KIDINS220: variants seen among roughly 807,000 people sequenced by gnomAD.
KIDINS220 encodes the protein kinase D interacting substrate 220.
Under a neutral mutation model 157.6 loss-of-function variants are expected in KIDINS220, and 63 were observed. The observed-to-expected ratio is 0.40, with a 90% CI of 0.33 to 0.49. The LOEUF (loss-of-function observed/expected upper bound fraction) is 0.49, where lower values mean the gene tolerates loss of function less well. Among genes scored for constraint, KIDINS220 ranks in the 20% least tolerant of loss-of-function variants. KIDINS220 has a pLI of 0.66. For missense variants in KIDINS220, 1,772 were observed against 2,171.2 expected, an observed-to-expected ratio of 0.82 and a Z score of 3.65; for synonymous variants, 732 against 783.6, an observed-to-expected ratio of 0.93 and a Z score of 1.10.
intron 4 of KIDINS220, among the ~76,000 whole-genome samples, chr2:8,815,589 A>C (rs557850209): frequency 1.3e-5 from 2 of 152,192 alleles, no homozygotes; most frequent in Non-Finnish European, 2.9e-5. Flanking sequence ...GAATTGCTTG[A>C]ACCTGGGAGG....
At chr2:8,785,680 G>T in intron 17 of KIDINS220, 61 bp downstream of exon 17, 2 of 1,407,100 alleles carry the variant, frequency 1.4e-6, no homozygotes, top group South Asian at 2.7e-5. Flanking sequence ...AAGCCCAAAT[G>T]AGCATGGCAG....
At chr2:8,822,788 A>G (rs907427428) in intron 2 of KIDINS220, among the ~76,000 whole-genome samples, 3 of 152,170 alleles carry the variant, frequency 2.0e-5, no homozygotes, top group Non-Finnish European at 2.9e-5. Context: ...TTTCAAAAAT[A>G]AAATAAAAAT....
intron 1 of KIDINS220, 101 bp from the exon 2 acceptor site, chr2:8,827,230 T>C: frequency 3.8e-6 from 2 of 519,766 alleles, no homozygotes; most frequent in Non-Finnish European, 6.8e-6. Context: ...CAAGGACACC[T>C]CCAGTGGCAG....
At chr2:8,756,083 A>G (rs1335122833) in intron 22 of KIDINS220, among the ~76,000 whole-genome samples, 1 of 152,222 alleles carries the variant, frequency 6.6e-6, no homozygotes, top group Admixed American at 6.5e-5. Context: ...TGACATCCTA[A>G]TATTTAGTCT....
chr2:8,818,318 G>C (rs576177305), intron 3 of KIDINS220, among the ~76,000 whole-genome samples: 1 of 152,196 alleles, frequency 6.6e-6, no homozygotes, highest in East Asian at 1.9e-4. Flanking sequence ...CCCCTCACAA[G>C]TGATATCAGA....
At chr2:8,734,827 G>C (rs922595537) in intron 27 of KIDINS220, 74 bp from the exon 28 acceptor site, 5 of 1,075,062 alleles carry the variant, frequency 4.7e-6, no homozygotes, top group Non-Finnish European at 6.9e-6. Context: ...TGATTGCCAA[G>C]TATGCTTATA....
chr2:8,745,966 A>C (rs1293054316), intron 26 of KIDINS220, among the ~76,000 whole-genome samples: 2 of 152,018 alleles, frequency 1.3e-5, no homozygotes, highest in South Asian at 2.1e-4. Context: ...TAAATAAAAC[A>C]ACCAAAGTTA....
Position 8,733,490 on chromosome 2 carries a change from A to C in KIDINS220, c.4007T>G (p.Leu1336Arg), listed in dbSNP as rs756258324. 1 of 1,614,154 alleles carries C rather than the reference A, an allele frequency of 6.2e-7. No homozygotes were observed. The highest frequency in any genetic ancestry group is 8.5e-7 in the Non-Finnish European group (1 of 1,180,036). Residue 1336 changes from leucine to arginine, a missense_variant, in exon 29 of 30, where the codon CTT (leucine) becomes CGT (arginine). Physicochemically the swap from Leu to Arg is moderately radical, Grantham distance 102. Transcript: ENST00000256707. The stretch of plus-strand genomic sequence containing the variant: ...ACGAGGGGCACCTTCATCCAGGCCA[A>C]GCGTGTTCAGCTCTTCGAAGCTGAA... ...LNFSFEELNTLGLDEGAPRHS... is the reference protein window; with the variant it reads ...LNFSFEELNTRGLDEGAPRHS...
intron 22 of KIDINS220, among the ~76,000 whole-genome samples, chr2:8,752,353 C>A (rs1472157082): frequency 1.3e-5 from 2 of 151,556 alleles, no homozygotes; most frequent in Admixed American, 6.6e-5. Flanking sequence ...GAAAGAAACT[C>A]AAAAAAGTAG....
chr2:8,729,946 G>C lies in KIDINS220; in HGVS notation c.*774C>G. 1 of 985,292 alleles carries C rather than the reference G, an allele frequency of 1.0e-6. No individual in the cohort carries two copies. The highest frequency in any genetic ancestry group is 1.2e-6 in the Non-Finnish European group (1 of 829,912). The allele number at this position is 985,292 out of a possible 1,614,324, so 61.0% of individuals were successfully genotyped here. A position where few individuals can be genotyped will look rare whatever the true frequency, so the allele number is the denominator to read the frequency against. On this transcript the variant is annotated 3_prime_UTR_variant, in exon 30 of 30. Transcript: ENST00000256707. ...GAAAAGTTGGGCACCATTTAAAAGAGTTGGAGAACAGACCAGGGTGGCTTC... is the reference window on the plus strand; with the variant it reads ...GAAAAGTTGGGCACCATTTAAAAGACTTGGAGAACAGACCAGGGTGGCTTC...
chr2:8,767,483 G>A (rs973434127), intron 22 of KIDINS220, among the ~76,000 whole-genome samples: 2 of 152,132 alleles, frequency 1.3e-5, no homozygotes, highest in African/African-American at 2.4e-5. Context: ...TACAAAGGAG[G>A]TGAAGCAACA....
intron 23 of KIDINS220, among the ~76,000 whole-genome samples, chr2:8,750,673 TA>T (rs1378024599): frequency 4.6e-5 from 7 of 152,244 alleles, no homozygotes; most frequent in Non-Finnish European, 8.8e-5. Flanking sequence ...TATCAAGTAT[TA>T]ATAACTCATA....
downstream of KIDINS220, chr2:8,728,852 AAAAC>A (rs1408094864): frequency 7.1e-6 from 7 of 985,158 alleles, no homozygotes; most frequent in East Asian, 6.8e-4. Context: ...GACATGTGAC[AAAAC>A]AAACACACAA....
chr2:8,732,068 C>A (rs904588122), intron 29 of KIDINS220, 86 bp from the exon 30 acceptor site: 6 of 1,164,752 alleles, frequency 5.2e-6, no homozygotes, highest in Non-Finnish European at 6.9e-6. Context: ...TATATGTACA[C>A]TAACCATTTA....
chr2:8,835,025 A>T (rs1038545225), intron 1 of KIDINS220, among the ~76,000 whole-genome samples: 4 of 151,904 alleles, frequency 2.6e-5, no homozygotes, highest in Admixed American at 2.6e-4. Flanking sequence ...TACATTTTTA[A>T]TTTTTGTAGA....
chr2:8,755,483 T>C (rs1487163642), intron 22 of KIDINS220, among the ~76,000 whole-genome samples: 2 of 152,230 alleles, frequency 1.3e-5, no homozygotes, highest in African/African-American at 4.8e-5. Flanking sequence ...GCAACACTGT[T>C]GTCCAATAAA....
chr2:8,816,008 C>T (rs1217347407), intron 4 of KIDINS220, among the ~76,000 whole-genome samples: 1 of 152,088 alleles, frequency 6.6e-6, no homozygotes, highest in African/African-American at 2.4e-5. Context: ...TACTACCACC[C>T]ACCCACCCAA....
At position 8,731,691 on chromosome 2, in the gene KIDINS220, A is replaced by G. The variant is rs563322345; in HGVS notation, c.4345T>C (p.Ser1449Pro). The G allele has an allele frequency of 1.2e-6, 2 of 1,614,174 alleles. No individual in the cohort carries two copies. Among genetic ancestry groups the G allele is most frequent in the South Asian group, 2.2e-5 (2 of 91,084 alleles). ...ACATCTCCCCTCTTCATTAGAAAGG[A>G]CTTCCTCCCATCATCGGGCTTTGGT... ...SEPKPDDGRK[S>P]FLMKRGDVID... Residue 1449 changes from serine to proline, a missense_variant, in exon 30 of 30, where the codon TCC becomes CCC. By Grantham distance (74) the Ser-to-Pro change is moderately conservative (BLOSUM62 -1). This residue lies in a region of KIDINS220 where 793 missense variants were observed against 885.5 expected (regional missense o/e 0.90). Transcript: ENST00000256707. This position sits in a 1 kb window ranked among gnomAD's most constrained non-coding sequence, Gnocchi z 5.2.
In KIDINS220 at chr2:8,748,006, G is replaced by A; in HGVS notation, c.3415-6C>T. 1.3e-6 allele frequency: 2 copies of A among 1,514,352 alleles called. No individual in the cohort carries two copies. Among genetic ancestry groups the A allele is most frequent in the Non-Finnish European group, 1.8e-6 (2 of 1,125,214 alleles). The allele number at this position is 1,514,352 out of a possible 1,614,324, so 93.8% of individuals were successfully genotyped here. ...AGGTATGGGGCAAAGAATGGCTATGGAAAAACATGTAACAAAAAAGGGGTA... is the reference window on the plus strand; with the variant it reads ...AGGTATGGGGCAAAGAATGGCTATGAAAAAACATGTAACAAAAAAGGGGTA... On this transcript the variant is annotated splice_polypyrimidine_tract_variant and splice_region_variant and intron_variant, in intron 24 of 29. Coordinates refer to ENST00000256707, the MANE Select transcript of KIDINS220 (RefSeq NM_020738.4).
Sources: allele counts gnomAD v4.1 joint callset (sites outside exome capture counted in the v4.1 genomes callset), GRCh38; gene constraint gnomAD v4.1.1; regional missense constraint gnomAD v4.1.1; non-coding constraint Gnocchi (gnomAD v3.1); transcripts MANE v1.5; gene names NCBI Gene and HGNC (gene_info 2026-07-23, HGNC 2026-07-21).